The following GRID2 variants were observed in gnomAD, a reference collection of about 807,000 sequenced individuals.
GRID2 encodes the protein glutamate receptor ionotropic, delta-2.
Under a neutral mutation model 114.8 loss-of-function variants are expected in GRID2, and 33 were observed. That is an observed-to-expected ratio of 0.29 (90% CI 0.22 to 0.38). GRID2 has a LOEUF of 0.38. Ranked by LOEUF, GRID2 falls within the 10% of genes least tolerant of loss-of-function variation. The pLI, the probability that GRID2 is intolerant of heterozygous loss-of-function variation, is 1.00. For missense variants in GRID2, 1,184 were observed against 1,257.7 expected, an observed-to-expected ratio of 0.94 and a Z score of 0.89; for synonymous variants, 505 against 449.9, an observed-to-expected ratio of 1.12 and a Z score of -1.55.
At chr4:93,356,809 T>C (rs892664024) in intron 8 of GRID2, among the ~76,000 whole-genome samples, 1 of 151,904 alleles carries the variant, frequency 6.6e-6, no homozygotes, top group Non-Finnish European at 1.5e-5. Flanking sequence ...TATTTTTGAG[T>C]AATATGGGGT....
intron 8 of GRID2, among the ~76,000 whole-genome samples, chr4:93,283,949 A>G (rs573852706): frequency 6.6e-6 from 1 of 152,214 alleles, no homozygotes; most frequent in African/African-American, 2.4e-5. Context: ...TCATAGAAGT[A>G]TATTAATGGT....
chr4:92,697,532 A>G (rs1251579046), intron 2 of GRID2, among the ~76,000 whole-genome samples: 1 of 152,176 alleles, frequency 6.6e-6, no homozygotes, highest in Non-Finnish European at 1.5e-5. Flanking sequence ...GATAACTGGC[A>G]TGACCAAAGC....
At position 93,075,883 on chromosome 4, in the gene GRID2, C is replaced by CTCTTTTTTTTTTT. The variant is rs1490779668; in HGVS notation, c.245-9111_245-9110insCTTTTTTTTTTTT. 7.8e-5 allele frequency among the ~76,000 whole-genome samples: 6 copies of CTCTTTTTTTTTTT among 76,606 alleles called. 1 individual carries two copies. In the South Asian group the frequency reaches 1.7e-3, roughly 22 times the overall value. The allele number at this position is 76,606 out of a possible 152,430, so 50.3% of individuals were successfully genotyped here. ...GTATTGGGATGTCGAAGTTACCTCT[C>CTCTTTTTTTTTTT]TTTTTTTTTTTTTTTTTTTTTTTTT... On this transcript the variant is annotated intron_variant, in intron 2 of 15. Transcript: ENST00000282020.
At chr4:92,564,890 T>G (rs1727262530) in intron 1 of GRID2, among the ~76,000 whole-genome samples, 1 of 152,014 alleles carries the variant, frequency 6.6e-6, no homozygotes, top group Non-Finnish European at 1.5e-5. Flanking sequence ...CCCTGTATCG[T>G]CAGTGTAGTT....
At chr4:93,117,018 C>T (rs1305816027) in intron 4 of GRID2, among the ~76,000 whole-genome samples, 1 of 152,086 alleles carries the variant, frequency 6.6e-6, no homozygotes, top group Admixed American at 6.6e-5. Context: ...CATCCACAAT[C>T]ATTGTTATTA....
At position 92,614,555 on chromosome 4, in the gene GRID2, C is replaced by T. The variant is rs781585044; in HGVS notation, c.244+24269C>T. On this transcript the variant is annotated intron_variant, in intron 2 of 15. Transcript: ENST00000282020. ...TCTGTATCTTTATTTCTGTTTTTTC[C>T]CTATGTGACCAGATAGAATACTGTA... is the stretch of plus-strand genomic sequence containing the variant. 2.6e-5 allele frequency among the ~76,000 whole-genome samples: 4 copies of T among 151,102 alleles called. 1 individual carries two copies. Among genetic ancestry groups the T allele is most frequent in the Admixed American group, 2.0e-4 (3 of 15,120 alleles).
intron 1 of GRID2, among the ~76,000 whole-genome samples, chr4:92,571,307 G>T (rs934525846): frequency 1.3e-5 from 2 of 152,022 alleles, no homozygotes; most frequent in African/African-American, 4.8e-5. Context: ...TAATGGTAAA[G>T]GGATCAATTC....
rs557697399 is a variant in GRID2, at chr4:93,310,386, C to T, written c.1245+71896C>T. On this transcript the variant is annotated intron_variant, in intron 8 of 15. Coordinates refer to ENST00000282020, the MANE Select transcript of GRID2 (RefSeq NM_001510.4). ...AACAAACACACACACAAAAAGTTAA[C>T]CAGGTTTGGTGGCGCACTCCTGTAG... 1.1e-3 allele frequency among the ~76,000 whole-genome samples: 160 copies of T among 152,104 alleles called. 2 individuals are homozygous for T. Among genetic ancestry groups the T allele is most frequent in the Non-Finnish European group, 2.1e-4 (14 of 67,994 alleles).
intron 1 of GRID2, among the ~76,000 whole-genome samples, chr4:92,407,443 T>C (rs1038130047): frequency 6.6e-6 from 1 of 152,208 alleles, no homozygotes; most frequent in African/African-American, 2.4e-5. Flanking sequence ...TCTGGGTATA[T>C]ACCTAGTAGT....
chr4:93,159,294 A>G (rs1024820901), intron 4 of GRID2, among the ~76,000 whole-genome samples: 4 of 151,800 alleles, frequency 2.6e-5, no homozygotes, highest in African/African-American at 9.7e-5. Flanking sequence ...TTTACTTCCA[A>G]CCAATGTTTC....
chr4:93,176,121 T>A (rs1191270272), intron 4 of GRID2, among the ~76,000 whole-genome samples: 2 of 152,218 alleles, frequency 1.3e-5, no homozygotes, highest in Non-Finnish European at 2.9e-5. Context: ...GTAGAATATG[T>A]TCTGCCGATA....
At chr4:93,296,614 A>G (rs955723304) in intron 8 of GRID2, among the ~76,000 whole-genome samples, 3 of 152,190 alleles carry the variant, frequency 2.0e-5, no homozygotes, top group Admixed American at 6.5e-5. Context: ...ACAAACATAT[A>G]TGATTACAGT....
chr4:92,744,921 T>C (rs1346585795), intron 2 of GRID2, among the ~76,000 whole-genome samples: 1 of 152,214 alleles, frequency 6.6e-6, no homozygotes, highest in Admixed American at 6.5e-5. Flanking sequence ...AGGGAAGGGC[T>C]AATTTAGCAC....
At chr4:92,401,744 A>G (rs1205984294) in intron 1 of GRID2, among the ~76,000 whole-genome samples, 1 of 152,142 alleles carries the variant, frequency 6.6e-6, no homozygotes, top group Non-Finnish European at 1.5e-5. Context: ...CTACTGCAGG[A>G]TCTTGCCTCA....
chr4:93,797,030 G>T (rs771215168), intron 1 of GRID2, among the ~76,000 whole-genome samples: 1 of 152,172 alleles, frequency 6.6e-6, no homozygotes. Context: ...ACGATGTGAG[G>T]TATAGCCGAT....
chr4:93,535,286 C>T (rs1163827188), intron 13 of GRID2, among the ~76,000 whole-genome samples: 1 of 149,458 alleles, frequency 6.7e-6, no homozygotes, highest in Non-Finnish European at 1.5e-5. Flanking sequence ...TTTTCTTTAT[C>T]TATTCATACA....
chr4:93,425,344 A>AACATTGTT (rs1390811909), intron 10 of GRID2, among the ~76,000 whole-genome samples: 2 of 152,188 alleles, frequency 1.3e-5, no homozygotes, highest in African/African-American at 4.8e-5. Context: ...TTTAGCTTTA[A>AACATTGTT]ACATTGTTAA....
At chr4:92,904,829 T>A (rs1747835017) in intron 2 of GRID2, among the ~76,000 whole-genome samples, 1 of 152,032 alleles carries the variant, frequency 6.6e-6, no homozygotes, top group African/African-American at 2.4e-5. Flanking sequence ...GGAGATTTTA[T>A]CATATCAACA....
intron 2 of GRID2, among the ~76,000 whole-genome samples, chr4:92,966,377 T>C (rs1317483684): frequency 6.6e-6 from 1 of 151,944 alleles, no homozygotes; most frequent in Non-Finnish European, 1.5e-5. Context: ...GACAAAGCCC[T>C]TGACCTACTT....
Sources: allele counts gnomAD v4.1 joint callset (sites outside exome capture counted in the v4.1 genomes callset), GRCh38; gene constraint gnomAD v4.1.1; transcripts MANE v1.5; gene names NCBI Gene and HGNC (gene_info 2026-07-23, HGNC 2026-07-21).